DLGAP1: variants seen among roughly 807,000 people sequenced by gnomAD.
DLGAP1 encodes the protein DLG associated protein 1, also known as disks large-associated protein 1.
In DLGAP1, 11 loss-of-function variants were observed where a neutral mutation model predicts 90.8. The ratio of observed to expected loss-of-function variants is 0.12; its 90% CI spans 0.08 to 0.20. DLGAP1 has a LOEUF of 0.20. Among genes scored for constraint, DLGAP1 ranks in the 10% least tolerant of loss-of-function variants. The pLI, the probability that DLGAP1 is intolerant of heterozygous loss-of-function variation, is 1.00. For missense variants in DLGAP1, 1,050 were observed against 1,333.8 expected (o/e 0.79, Z 3.31); for synonymous variants, 558 against 540.7 (o/e 1.03, Z -0.44).
At chr18:4,389,631 T>G (rs1474024922) in intron 1 of DLGAP1, among the ~76,000 whole-genome samples, 1 of 152,216 alleles carries the variant, frequency 6.6e-6, no homozygotes, top group Non-Finnish European at 1.5e-5. Context: ...ATTTTCTTCT[T>G]TATCTTCATG....
intron 3 of DLGAP1, among the ~76,000 whole-genome samples, chr18:3,976,221 C>T (rs8086989): frequency 0.55 from 69,016 of 124,870 alleles, 16,339 homozygotes; most frequent in Middle Eastern, 0.64. Context: ...ATAATAATAA[C>T]GATAATTAGC....
At chr18:4,168,959 A>C (rs1031352673) in intron 1 of DLGAP1, among the ~76,000 whole-genome samples, 1 of 152,206 alleles carries the variant, frequency 6.6e-6, no homozygotes, top group African/African-American at 2.4e-5. Context: ...TCTTATAGAC[A>C]CATGGGTTGT....
At position 3,629,442 on chromosome 18, in the gene DLGAP1, C is replaced by T. The variant is rs1057292808; in HGVS notation, c.1592-47194G>A. Among the ~76,000 whole-genome samples, 10 of 151,978 alleles carry T rather than the reference C, an allele frequency of 6.6e-5. No homozygotes were observed. In the South Asian group the frequency reaches 1.0e-3, roughly 16 times the overall value. On this transcript the variant is annotated intron_variant, in intron 7 of 12. Coordinates refer to ENST00000315677, the MANE Select transcript of DLGAP1 (RefSeq NM_004746.4). ...ATCCCAGCACTTTGGGAGGCTGAGG[C>T]GGGCGGATCACGAGGTCAGGAGATC... is the stretch of plus-strand genomic sequence containing the variant.
At chr18:3,513,285 A>G (rs1178768842) in intron 10 of DLGAP1, among the ~76,000 whole-genome samples, 2 of 152,012 alleles carry the variant, frequency 1.3e-5, no homozygotes, top group African/African-American at 4.8e-5. Flanking sequence ...ATTTCTGTTT[A>G]TTTATGTGTT....
At chr18:3,567,800 A>C (rs146064359) in intron 8 of DLGAP1, among the ~76,000 whole-genome samples, 90 of 152,330 alleles carry the variant, frequency 5.9e-4, no homozygotes, top group African/African-American at 2.1e-3. Flanking sequence ...GTAGCTGATA[A>C]ATGTTTATGA....
rs376949150 is a variant in DLGAP1 at position 3,619,960 on chromosome 18, G to A, written c.1592-37712C>T. ...GCCTCCTAAGTAGCCGGAACTATAG[G>A]TGCATGCCACCATGCCTGGCCACCT... On this transcript the variant is annotated intron_variant, in intron 7 of 12. Transcript: ENST00000315677. 3.4e-4 allele frequency among the ~76,000 whole-genome samples: 51 copies of A among 150,772 alleles called. No homozygotes were observed. The East Asian group carries it at 8.2e-3, about 24-fold the overall frequency.
At chr18:4,356,889 G>A (rs982827833) in intron 1 of DLGAP1, among the ~76,000 whole-genome samples, 3 of 151,978 alleles carry the variant, frequency 2.0e-5, no homozygotes, top group Admixed American at 6.6e-5. Context: ...TTTCTAGGAC[G>A]TGCCACATAC....
At chr18:4,017,055 A>T (rs1289481828) in intron 2 of DLGAP1, among the ~76,000 whole-genome samples, 1 of 152,190 alleles carries the variant, frequency 6.6e-6, no homozygotes, top group African/African-American at 2.4e-5. Flanking sequence ...TTTCAGTCTT[A>T]TTTACACCAA....
At chr18:4,343,628 A>T (rs2081245591) in intron 1 of DLGAP1, among the ~76,000 whole-genome samples, 1 of 152,044 alleles carries the variant, frequency 6.6e-6, no homozygotes, top group African/African-American at 2.4e-5. Flanking sequence ...GGAGGGGAAC[A>T]TCACACACTG....
intron 2 of DLGAP1, among the ~76,000 whole-genome samples, chr18:4,037,606 A>G (rs1075592): frequency 0.69 from 104,755 of 152,096 alleles, 38,317 homozygotes; most frequent in South Asian, 0.85. Flanking sequence ...TTCAGCAAAG[A>G]CAAGTGTCCC....
chr18:3,730,726 T>C (rs751298388), intron 6 of DLGAP1, among the ~76,000 whole-genome samples: 6 of 152,208 alleles, frequency 3.9e-5, no homozygotes, highest in Non-Finnish European at 8.8e-5. Context: ...AAACTTCAGA[T>C]AAAAGTGACC....
intron 2 of DLGAP1, among the ~76,000 whole-genome samples, chr18:4,140,284 C>A (rs2076474528): frequency 6.6e-6 from 1 of 150,888 alleles, no homozygotes; most frequent in African/African-American, 2.4e-5. Flanking sequence ...TTGTTGTATG[C>A]TTTTTGTTTT....
At chr18:4,316,576 C>T (rs1402956783) in intron 1 of DLGAP1, among the ~76,000 whole-genome samples, 1 of 152,092 alleles carries the variant, frequency 6.6e-6, no homozygotes, top group South Asian at 2.1e-4. Context: ...GTAGAGGGCA[C>T]CCCAAGCACA....
chr18:3,729,136 C>T lies in DLGAP1; in HGVS notation c.1590G>A (p.Thr530=), dbSNP rs56234957. 0.013 allele frequency: 20,980 copies of T among 1,606,872 alleles called. 184 individuals are homozygous for T. The highest frequency in any genetic ancestry group is 0.016 in the Non-Finnish European group (18,760 of 1,176,344). Residue 530 remains threonine (T), a splice_region_variant and synonymous_variant, in exon 7 of 13, where the codon ACG becomes ACA. Transcript: ENST00000315677. This position sits in a 1 kb window ranked among gnomAD's most constrained non-coding sequence, Gnocchi z 6.2. ...TTTVRTIQSS[T]VSSCITTYKK... is the part of the protein sequence containing the mutation. ...CTGGCTGAGGGCCCGCGCACTCACC[C>T]GTGCTGCTCTGGATGGTCCTAACGG...
chr18:4,344,149 T>TA (rs1396713025), intron 1 of DLGAP1, among the ~76,000 whole-genome samples: 5 of 152,184 alleles, frequency 3.3e-5, no homozygotes, highest in Non-Finnish European at 7.3e-5. Flanking sequence ...AGAATGCATT[T>TA]AAGAAGAATA....
At chr18:3,881,479 C>T (rs888987814) in intron 3 of DLGAP1, among the ~76,000 whole-genome samples, 2 of 152,218 alleles carry the variant, frequency 1.3e-5, no homozygotes, top group African/African-American at 4.8e-5. Flanking sequence ...TACAGAGTTG[C>T]TTGCTTCAGG....
At chr18:3,770,251 T>C (rs2064463203) in intron 5 of DLGAP1, among the ~76,000 whole-genome samples, 1 of 152,116 alleles carries the variant, frequency 6.6e-6, no homozygotes, top group Non-Finnish European at 1.5e-5. Flanking sequence ...CCCTGTCTGA[T>C]AGGTCAGTGC....
At chr18:3,844,673 T>A (rs1466073613) in intron 4 of DLGAP1, among the ~76,000 whole-genome samples, 2 of 152,212 alleles carry the variant, frequency 1.3e-5, no homozygotes, top group African/African-American at 4.8e-5. Flanking sequence ...CACGCTGTTA[T>A]TTTAAAAATC....
chr18:3,905,285 T>C (rs922704507), intron 3 of DLGAP1, among the ~76,000 whole-genome samples: 54 of 135,812 alleles, frequency 4.0e-4, no homozygotes, highest in African/African-American at 1.4e-3. Context: ...GAGAATGGCG[T>C]GAACCCGGGA....
Sources: gnomAD v4.1 joint callset for allele counts (sites outside exome capture counted in the v4.1 genomes callset) on GRCh38, gnomAD v4.1.1 for gene constraint, Gnocchi (gnomAD v3.1) non-coding constraint, MANE v1.5 for transcripts, NCBI Gene and HGNC (gene_info 2026-07-23, HGNC 2026-07-21) for gene names.